The following CAMK2D variants were observed in gnomAD, a reference collection of about 807,000 sequenced individuals.
The protein encoded by CAMK2D is calcium/calmodulin-dependent protein kinase type II subunit delta.
CAMK2D carries 37 observed loss-of-function variants against 84.0 expected under a neutral mutation model. The observed-to-expected ratio is 0.44, with a 90% confidence interval of 0.34 to 0.58. The LOEUF is 0.58. Among genes scored for constraint, CAMK2D ranks in the 20% least tolerant of loss-of-function variants. The pLI is 0.02. For synonymous variants in CAMK2D, 202 were observed against 212.5 expected (o/e 0.95, Z 0.43); for missense variants, 448 against 652.5 (o/e 0.69, Z 3.41).
Position 113,715,148 on chromosome 4 carries a change from G to A in CAMK2D, c.160+44172C>T, listed in dbSNP as rs182932844. On this transcript the variant is annotated intron_variant, in intron 2 of 20. Transcript: ENST00000511664. ...TGGTCTCTTTTTAAAATTACCCTTC[G>A]TAACTGTATGGTTAGGTGTATAGGA... Among the ~76,000 whole-genome samples, 7 of 151,748 alleles carry A rather than the reference G, an allele frequency of 4.6e-5. No homozygotes were observed. The East Asian group carries it at 9.7e-4, about 21-fold the overall frequency.
intron 3 of CAMK2D, among the ~76,000 whole-genome samples, chr4:113,645,835 C>T (rs548384878): frequency 6.6e-6 from 1 of 152,150 alleles, no homozygotes; most frequent in Non-Finnish European, 1.5e-5. Context: ...ATAAAAGAGA[C>T]CATGAGCCCC....
intron 16 of CAMK2D, among the ~76,000 whole-genome samples, chr4:113,489,363 C>T (rs539860221): frequency 7.9e-6 from 1 of 126,114 alleles, no homozygotes; most frequent in Admixed American, 8.0e-5. Context: ...TAGTTCAATT[C>T]CCACCTATGA....
chr4:113,735,815 A>T (rs1372494752), intron 2 of CAMK2D, among the ~76,000 whole-genome samples: 3 of 152,320 alleles, frequency 2.0e-5, no homozygotes, highest in Non-Finnish European at 4.4e-5. Flanking sequence ...ATGGCATTAA[A>T]GTATATTTAT....
intron 4 of CAMK2D, among the ~76,000 whole-genome samples, chr4:113,563,827 G>C (rs570915649): frequency 1.4e-4 from 22 of 152,260 alleles, no homozygotes; most frequent in African/African-American, 5.3e-4. Flanking sequence ...CTTCGGCACA[G>C]TATCCTATCC....
At position 113,494,399 on chromosome 4, in the gene CAMK2D, G is replaced by A. The variant is rs532344501; in HGVS notation, c.1135+6064C>T. On this transcript the variant is annotated intron_variant, in intron 16 of 20. Transcript: ENST00000511664. Reference sequence around the variant, plus strand: ...TGCAGGTCTGTTGGAGTACCCTGCCGTGTGAGGTGTCAGTGTGCCCCTGCT... The same window carrying A: ...TGCAGGTCTGTTGGAGTACCCTGCCATGTGAGGTGTCAGTGTGCCCCTGCT... Among the ~76,000 whole-genome samples, 572 of 152,190 alleles carry A rather than the reference G, an allele frequency of 3.8e-3. 4 individuals are homozygous for A. Among genetic ancestry groups the A allele is most frequent in the African/African-American group, 0.013 (527 of 41,498 alleles).
At chr4:113,459,484 T>G (rs909477550) in intron 18 of CAMK2D, among the ~76,000 whole-genome samples, 3 of 152,166 alleles carry the variant, frequency 2.0e-5, no homozygotes, top group Non-Finnish European at 2.9e-5. Context: ...CTCAGCTTCC[T>G]AAAGTGTTGG....
At chr4:113,466,584 G>A (rs965326481) in intron 16 of CAMK2D, among the ~76,000 whole-genome samples, 1 of 152,122 alleles carries the variant, frequency 6.6e-6, no homozygotes, top group Non-Finnish European at 1.5e-5. Flanking sequence ...TTGAAGAAGT[G>A]ACATATGAAT....
chr4:113,701,661 G>GC (rs1294500762), intron 2 of CAMK2D, among the ~76,000 whole-genome samples: 1 of 152,126 alleles, frequency 6.6e-6, no homozygotes, highest in Non-Finnish European at 1.5e-5. Flanking sequence ...TGGACAAGGG[G>GC]CCTCTTTACA....
intron 15 of CAMK2D, among the ~76,000 whole-genome samples, chr4:113,502,276 T>C (rs936361495): frequency 6.6e-6 from 1 of 152,024 alleles, no homozygotes; most frequent in African/African-American, 2.4e-5. Context: ...AAACATTTAG[T>C]CTTCTTTCAA....
intron 2 of CAMK2D, among the ~76,000 whole-genome samples, chr4:113,722,271 G>T (rs569469429): frequency 1.3e-5 from 2 of 152,254 alleles, no homozygotes; most frequent in South Asian, 4.1e-4. Context: ...TAACTTAAAA[G>T]AGTAAGTTGT....
chr4:113,580,980 G>C (rs1439398403), intron 4 of CAMK2D, among the ~76,000 whole-genome samples: 3 of 151,980 alleles, frequency 2.0e-5, no homozygotes, highest in African/African-American at 7.3e-5. Flanking sequence ...TAATACCTAG[G>C]TGATGGGTTG....
chr4:113,752,868 G>A (rs897625461), intron 2 of CAMK2D, among the ~76,000 whole-genome samples: 12 of 152,014 alleles, frequency 7.9e-5, no homozygotes, highest in Admixed American at 7.9e-4. Flanking sequence ...TCACAGGTTG[G>A]AACTCTAAAT....
At chr4:113,507,241 C>T (rs1323279739) in intron 13 of CAMK2D, among the ~76,000 whole-genome samples, 5 of 151,642 alleles carry the variant, frequency 3.3e-5, no homozygotes, top group Non-Finnish European at 7.4e-5. Flanking sequence ...ATAGGTTCAA[C>T]CACAAATGTC....
intron 15 of CAMK2D, 129 bp from the exon 16 acceptor site, chr4:113,500,640 A>G: frequency 1.9e-6 from 1 of 537,660 alleles, no homozygotes; most frequent in South Asian, 2.8e-5. Context: ...CTGACATGCA[A>G]ATGGACAAAC....
intron 16 of CAMK2D, among the ~76,000 whole-genome samples, chr4:113,498,789 A>G (rs1380111035): frequency 6.6e-6 from 1 of 152,210 alleles, no homozygotes; most frequent in African/African-American, 2.4e-5. Context: ...GGTAACACTG[A>G]CAGGAACTCT....
At chr4:113,718,906 T>G (rs188333837) in intron 2 of CAMK2D, among the ~76,000 whole-genome samples, 13 of 152,274 alleles carry the variant, frequency 8.5e-5, no homozygotes, top group African/African-American at 2.9e-4. Context: ...AAGGATATAG[T>G]GACAAATTTT....
chr4:113,547,659 G>T lies in CAMK2D; in HGVS notation c.399C>A (p.Val133=). 6.4e-7 allele frequency: 1 copy of T among 1,567,056 alleles called. No individual in the cohort carries two copies. ...CATTACTCACCTTCAGGTCCCGATG[G>T]ACCACGCCCATCTGATGGCAGTGTA... ...AVLHCHQMGV[V]HRDLKPENLL... is the part of the protein sequence containing the mutation. The change falls in exon 6 of 21, where the codon GTC becomes GTA. Residue 133 remains valine, a synonymous_variant. Coordinates refer to ENST00000511664, the MANE Select transcript of CAMK2D (RefSeq NM_001321571.2).
chr4:113,484,968 G>A (rs1025827622), intron 16 of CAMK2D, among the ~76,000 whole-genome samples: 1 of 152,062 alleles, frequency 6.6e-6, no homozygotes, highest in African/African-American at 2.4e-5. Context: ...ATTATTAAAT[G>A]CATACGATAT....
At chr4:113,464,403 G>C (rs1402519541) in intron 17 of CAMK2D, among the ~76,000 whole-genome samples, 2 of 151,846 alleles carry the variant, frequency 1.3e-5, no homozygotes, top group East Asian at 1.9e-4. Context: ...TTTTATTCTT[G>C]GTTTTTTAAT....
Sources: allele counts gnomAD v4.1 joint callset (sites outside exome capture counted in the v4.1 genomes callset), GRCh38; gene constraint gnomAD v4.1.1; transcripts MANE v1.5; gene names NCBI Gene and HGNC (gene_info 2026-07-23, HGNC 2026-07-21).